The following MGAT5 variants were observed in gnomAD, a reference collection of about 807,000 sequenced individuals.
MGAT5 encodes alpha-1,6-mannosylglycoprotein 6-beta-N-acetylglucosaminyltransferase.
Under a neutral mutation model 94.3 loss-of-function variants are expected in MGAT5, and 30 were observed. That is an observed-to-expected ratio of 0.32 (90% CI 0.24 to 0.43). MGAT5 has a LOEUF of 0.43. MGAT5 is among the 20% of genes least tolerant of loss of function. The pLI, the probability that MGAT5 is intolerant of heterozygous loss-of-function variation, is 1.00. For missense variants in MGAT5, 691 were observed against 905.5 expected (o/e 0.76, Z 3.04); for synonymous variants, 310 against 322.9 (o/e 0.96, Z 0.43).
At chr2:134,402,347 T>C (rs1272780229) in intron 10 of MGAT5, among the ~76,000 whole-genome samples, 2 of 152,236 alleles carry the variant, frequency 1.3e-5, no homozygotes, top group Non-Finnish European at 2.9e-5. Flanking sequence ...GTTTCAGGGC[T>C]CATCAAAATT....
intron 2 of MGAT5, among the ~76,000 whole-genome samples, chr2:134,286,645 C>T (rs1457780187): frequency 6.6e-6 from 1 of 152,060 alleles, no homozygotes; most frequent in African/African-American, 2.4e-5. Flanking sequence ...GTCTTGAACT[C>T]CTGACCTCAG....
rs1477221668 is a variant in MGAT5, at chr2:134,198,433, C to T, written c.-142-55829C>T. On this transcript the variant is annotated intron_variant, in intron 1 of 16. Coordinates refer to the MGAT5 transcript ENST00000409645. ...GAAGTTGGCTGGGAGATGCCTTTTACCCTTGAGTCTAGCTGGGTGTGTGAG... is the reference window on the plus strand; with the variant it reads ...GAAGTTGGCTGGGAGATGCCTTTTATCCTTGAGTCTAGCTGGGTGTGTGAG... Among the ~76,000 whole-genome samples, 8 of 152,320 alleles carry T rather than the reference C, an allele frequency of 5.3e-5. No individual in the cohort carries two copies. The East Asian group carries it at 1.5e-3, about 29-fold the overall frequency.
chr2:134,340,067 G>A (rs1289899398), intron 6 of MGAT5, among the ~76,000 whole-genome samples: 1 of 152,114 alleles, frequency 6.6e-6, no homozygotes, highest in Non-Finnish European at 1.5e-5. Context: ...GGTAGGATTG[G>A]TGATGTTATG....
chr2:134,132,664 G>GTAT (rs1169255104), intron 1 of MGAT5, among the ~76,000 whole-genome samples: 3 of 152,258 alleles, frequency 2.0e-5, no homozygotes, highest in Non-Finnish European at 1.5e-5. Flanking sequence ...AAAGTCTCAA[G>GTAT]TATTTACTCT....
chr2:134,362,136 C>T, intron 9 of MGAT5, 139 bp from the exon 10 acceptor site: 1 of 971,384 alleles, frequency 1.0e-6, no homozygotes, highest in South Asian at 1.6e-5. Context: ...AATCCCTCAC[C>T]TCCCTCAGGT....
intron 1 of MGAT5, among the ~76,000 whole-genome samples, chr2:134,179,988 G>C (rs1282145602): frequency 2.0e-5 from 3 of 152,190 alleles, no homozygotes; most frequent in Non-Finnish European, 4.4e-5. Flanking sequence ...GAATAATAAT[G>C]CATTGCATGC....
rs111742596 is a variant in MGAT5, at chr2:134,188,266, G to A, written c.-142-65996G>A. Among the ~76,000 whole-genome samples the A allele has an allele frequency of 1.4e-3, 218 of 152,346 alleles. 3 individuals are homozygous for A. The highest frequency in any genetic ancestry group is 5.0e-3 in the African/African-American group (207 of 41,574). The stretch of plus-strand genomic sequence containing the variant: ...GGATAGAGAGTAGTGGCTGTCCAAG[G>A]GCCCTCAAGGGTAGGCAGCCATAAG... On this transcript the variant is annotated intron_variant, in intron 1 of 16. Coordinates refer to the MGAT5 transcript ENST00000409645.
chr2:134,303,684 C>T (rs1686164874), intron 2 of MGAT5, among the ~76,000 whole-genome samples: 1 of 152,118 alleles, frequency 6.6e-6, no homozygotes, highest in African/African-American at 2.4e-5. Context: ...TTATTGGAGC[C>T]TCCCTCACAA....
At chr2:134,413,818 A>G (rs1683808832) in intron 12 of MGAT5, among the ~76,000 whole-genome samples, 1 of 152,210 alleles carries the variant, frequency 6.6e-6, no homozygotes, top group Admixed American at 6.5e-5. Context: ...CTGGGGGATT[A>G]CATTGATTAG....
At position 134,448,961 on chromosome 2, in the gene MGAT5, T is replaced by C; in HGVS notation, c.*114T>C. On this transcript the variant is annotated 3_prime_UTR_variant, in exon 16 of 16. Coordinates refer to ENST00000281923, the MANE Select transcript of MGAT5 (RefSeq NM_002410.5). The stretch of plus-strand genomic sequence containing the variant: ...GGACTCTGGCAAGAGCCTGAACTTT[T>C]TCGTAGAAGGTTCTGAATTGGCATT... The C allele has an allele frequency of 8.9e-7, 1 of 1,117,330 alleles. No individual in the cohort carries two copies. The highest frequency in any genetic ancestry group is 2.6e-5 in the East Asian group (1 of 38,802). 69.2% of individuals were successfully genotyped at this position (1,117,330 alleles called of 1,614,324 possible).
At chr2:134,288,528 A>G (rs542736761) in intron 2 of MGAT5, among the ~76,000 whole-genome samples, 15 of 152,322 alleles carry the variant, frequency 9.8e-5, no homozygotes, top group Admixed American at 5.9e-4. Context: ...AAAAAAAAAA[A>G]AAATTCAACC....
upstream of MGAT5, among the ~76,000 whole-genome samples, chr2:134,250,826 T>C (rs1422910997): frequency 6.6e-6 from 1 of 152,216 alleles, no homozygotes; most frequent in Non-Finnish European, 1.5e-5. Flanking sequence ...TAATTTTACC[T>C]AGGCTGAGAT....
At chr2:134,436,625 TG>T (rs1234227802) in intron 14 of MGAT5, among the ~76,000 whole-genome samples, 1 of 152,174 alleles carries the variant, frequency 6.6e-6, no homozygotes, top group Non-Finnish European at 1.5e-5. Flanking sequence ...CTGCTGGACC[TG>T]AGGTGCAAGG....
chr2:134,440,657 A>G (rs187411338), intron 14 of MGAT5, among the ~76,000 whole-genome samples: 34 of 152,352 alleles, frequency 2.2e-4, no homozygotes, highest in Admixed American at 3.3e-4. Flanking sequence ...ATAAAACTTC[A>G]TAAAGTCTAC....
At chr2:134,446,115 A>C (rs1440645505) in intron 15 of MGAT5, among the ~76,000 whole-genome samples, 1 of 151,944 alleles carries the variant, frequency 6.6e-6, no homozygotes, top group Non-Finnish European at 1.5e-5. Flanking sequence ...GTCGGGTCTC[A>C]CCTGTGGCCT....
intron 12 of MGAT5, among the ~76,000 whole-genome samples, chr2:134,420,184 C>T (rs981686093): frequency 6.6e-6 from 1 of 152,058 alleles, no homozygotes; most frequent in African/African-American, 2.4e-5. Context: ...GAAATGTAAT[C>T]GCCTCTCAGT....
At chr2:134,388,914 C>G (rs758072382) in intron 10 of MGAT5, among the ~76,000 whole-genome samples, 3 of 152,136 alleles carry the variant, frequency 2.0e-5, no homozygotes, top group Non-Finnish European at 2.9e-5. Flanking sequence ...GTGCACACCA[C>G]CACATCTGGC....
intron 1 of MGAT5, among the ~76,000 whole-genome samples, chr2:134,130,136 C>T (rs993702991): frequency 5.9e-5 from 9 of 151,980 alleles, no homozygotes; most frequent in East Asian, 1.9e-4. Context: ...CTGGAATTCT[C>T]GCCTGGCCTC....
intron 1 of MGAT5, among the ~76,000 whole-genome samples, chr2:134,167,922 T>G (rs572849986): frequency 1.3e-5 from 2 of 152,294 alleles, no homozygotes; most frequent in East Asian, 3.9e-4. Context: ...GGGGACCATT[T>G]GTAGGACAGC....
Sources: allele counts gnomAD v4.1 joint callset (sites outside exome capture counted in the v4.1 genomes callset), GRCh38; gene constraint gnomAD v4.1.1; transcripts MANE v1.5; gene names NCBI Gene and HGNC (gene_info 2026-07-23, HGNC 2026-07-21).